Variants in NAALAD2 observed in about 807,000 individuals in gnomAD.
NAALAD2 encodes N-acetylated-alpha-linked acidic dipeptidase 2.
NAALAD2 carries 89 observed loss-of-function variants against 95.6 expected under a neutral mutation model. That is an observed-to-expected ratio of 0.93 (90% CI 0.78 to 1.11). The LOEUF is 1.11. Among genes scored for constraint, NAALAD2 ranks in the 50% least tolerant of loss-of-function variants. The pLI, the probability that NAALAD2 is intolerant of heterozygous loss-of-function variation, is 0.00. For missense variants in NAALAD2, 894 were observed against 872.4 expected, an observed-to-expected ratio of 1.02 and a Z score of -0.31; for synonymous variants, 264 against 294.4, an observed-to-expected ratio of 0.90 and a Z score of 1.06.
chr11:90,176,253 T>G (rs776673611), intron 15 of NAALAD2, among the ~76,000 whole-genome samples, 191 bp downstream of exon 15: 1 of 152,082 alleles, frequency 6.6e-6, no homozygotes, highest in African/African-American at 2.4e-5. Flanking sequence ...GAAAATTTCA[T>G]TGTTAGGGTT....
Position 90,158,241 on chromosome 11 carries a change from A to G in NAALAD2, c.890+3A>G. The G allele has an allele frequency of 6.3e-7, 1 of 1,597,998 alleles. No homozygotes were observed. Among genetic ancestry groups the G allele is most frequent in the Non-Finnish European group, 8.6e-7 (1 of 1,166,678 alleles). On this transcript the variant is annotated splice_donor_region_variant and intron_variant, in intron 7 of 18. Transcript: ENST00000534061. ...AATGATGCAGAAATATTATTACGGT[A>G]TAGTTTTCTTGTTGGATATGAGATT...
At position 90,171,313 on chromosome 11, in the gene NAALAD2, C is replaced by A. The variant is rs937726092; in HGVS notation, c.1410+1177C>A. 2.6e-5 allele frequency among the ~76,000 whole-genome samples: 4 copies of A among 152,288 alleles called. No individual in the cohort carries two copies. In the South Asian group the frequency reaches 8.3e-4, roughly 32 times the overall value. On this transcript the variant is annotated intron_variant, in intron 13 of 18. Coordinates refer to ENST00000534061, the MANE Select transcript of NAALAD2 (RefSeq NM_005467.4). The stretch of plus-strand genomic sequence containing the variant: ...AATATTTCCTCCCTTAATCTTACCC[C>A]TCTCTTTTTCATGTCTTTAAAAACT...
Position 90,149,115 on chromosome 11 carries a change from A to G in NAALAD2, c.483+8A>G. 2 of 1,544,524 alleles carry G rather than the reference A, an allele frequency of 1.3e-6. No individual in the cohort carries two copies. On this transcript the variant is annotated splice_region_variant and intron_variant, in intron 4 of 18. Coordinates refer to ENST00000534061, the MANE Select transcript of NAALAD2 (RefSeq NM_005467.4). ...GCCCAAGGCATGCCAGAGGTAAAAT[A>G]AAATACTTTTGTAATCCAAGTCTTT...
intron 6 of NAALAD2, among the ~76,000 whole-genome samples, chr11:90,154,819 T>C (rs1341682465): frequency 6.8e-6 from 1 of 147,210 alleles, no homozygotes; most frequent in Non-Finnish European, 1.5e-5. Context: ...GTAATATATG[T>C]AATATGTAAT....
At chr11:90,171,434 T>C (rs545372618) in intron 13 of NAALAD2, among the ~76,000 whole-genome samples, 1 of 152,346 alleles carries the variant, frequency 6.6e-6, no homozygotes, top group South Asian at 2.1e-4. Context: ...GAATGTTCCA[T>C]AAAAGCATCT....
chr11:90,167,433 C>T (rs1463949563), intron 11 of NAALAD2, among the ~76,000 whole-genome samples: 2 of 152,162 alleles, frequency 1.3e-5, no homozygotes, highest in African/African-American at 2.4e-5. Flanking sequence ...GCGCCCCCGC[C>T]GCGGCCGCTG....
intron 18 of NAALAD2, among the ~76,000 whole-genome samples, chr11:90,188,973 G>A (rs1243566130): frequency 6.6e-6 from 1 of 152,172 alleles, no homozygotes; most frequent in East Asian, 1.9e-4. Flanking sequence ...AGGAATTAAG[G>A]TGGCAGATGG....
intron 15 of NAALAD2, 135 bp downstream of exon 15, chr11:90,176,197 C>A: frequency 1.7e-6 from 1 of 604,268 alleles, no homozygotes; most frequent in Admixed American, 2.9e-5. Flanking sequence ...AGATAGACTG[C>A]ATGTCCCTTT....
At chr11:90,175,603 G>A (rs1046339021) in intron 14 of NAALAD2, among the ~76,000 whole-genome samples, 1 of 149,780 alleles carries the variant, frequency 6.7e-6, no homozygotes, top group Admixed American at 7.0e-5. Context: ...CTGAGGGTAG[G>A]GCCCACGTCT....
intron 13 of NAALAD2, among the ~76,000 whole-genome samples, chr11:90,170,899 T>C (rs1952613762): frequency 6.6e-6 from 1 of 152,134 alleles, no homozygotes; most frequent in Non-Finnish European, 1.5e-5. Flanking sequence ...GGAAAGATGG[T>C]AAGAAATGAG....
chr11:90,150,116 A>G (rs550773634), intron 4 of NAALAD2, among the ~76,000 whole-genome samples: 2 of 152,198 alleles, frequency 1.3e-5, no homozygotes, highest in East Asian at 3.9e-4. Flanking sequence ...TTATCTGGGC[A>G]TGGTGGCGCA....
At chr11:90,132,075 G>C (rs1415839511), upstream of NAALAD2, 1 of 152,520 alleles carries the variant, frequency 6.6e-6, no homozygotes, top group African/African-American at 2.4e-5. Context: ...AATTAACATA[G>C]AATTTTGAAT....
intron 2 of NAALAD2, among the ~76,000 whole-genome samples, chr11:90,141,707 C>T (rs926881235): frequency 6.6e-6 from 1 of 152,056 alleles, no homozygotes; most frequent in Non-Finnish European, 1.5e-5. Context: ...ACCTAGGCCT[C>T]CCAGAGTTCT....
intron 13 of NAALAD2, among the ~76,000 whole-genome samples, chr11:90,170,987 G>A (rs1952616801): frequency 6.6e-6 from 1 of 152,120 alleles, no homozygotes; most frequent in Non-Finnish European, 1.5e-5. Context: ...GTTGTTCATT[G>A]TTTTATGTCA....
intron 5 of NAALAD2, among the ~76,000 whole-genome samples, chr11:90,151,782 A>C (rs1951893648): frequency 6.6e-6 from 1 of 152,166 alleles, no homozygotes. Context: ...AGATGTTTAC[A>C]AAAACCCTGG....
intron 18 of NAALAD2, among the ~76,000 whole-genome samples, chr11:90,188,992 C>T (rs1384361660): frequency 2.6e-5 from 4 of 152,168 alleles, no homozygotes; most frequent in African/African-American, 9.7e-5. Context: ...GGATGAGTCA[C>T]ACTAATCAGC....
intron 2 of NAALAD2, among the ~76,000 whole-genome samples, chr11:90,136,984 A>G (rs1951466926): frequency 6.6e-6 from 1 of 152,198 alleles, no homozygotes; most frequent in African/African-American, 2.4e-5. Flanking sequence ...ACTTCCATCA[A>G]CAAATATTAT....
At chr11:90,140,062 C>T (rs1951567760) in intron 2 of NAALAD2, among the ~76,000 whole-genome samples, 1 of 151,996 alleles carries the variant, frequency 6.6e-6, no homozygotes, top group Admixed American at 6.6e-5. Context: ...ACATGAGAAC[C>T]ATGGGAGATC....
At chr11:90,163,257 A>C in intron 9 of NAALAD2, 53 bp from the exon 10 acceptor site, 2 of 1,538,228 alleles carry the variant, frequency 1.3e-6, no homozygotes, top group Non-Finnish European at 1.8e-6. Context: ...ATAAATTACA[A>C]ATATTTATAA....
Sources: gnomAD v4.1 joint callset for allele counts (sites outside exome capture counted in the v4.1 genomes callset) on GRCh38, gnomAD v4.1.1 for gene constraint, MANE v1.5 for transcripts, NCBI Gene and HGNC (gene_info 2026-07-23, HGNC 2026-07-21) for gene names.